Variants in ACACA observed in about 807,000 individuals in gnomAD.
The protein encoded by ACACA is acetyl-CoA carboxylase 1.
Under a neutral mutation model 296.1 loss-of-function variants are expected in ACACA, and 103 were observed. The ratio of observed to expected loss-of-function variants is 0.35; its 90% CI spans 0.30 to 0.41. The LOEUF is 0.41. ACACA is among the 10% of genes least tolerant of loss of function. ACACA has a pLI of 1.00. For synonymous variants in ACACA, 953 were observed against 1,038.6 expected (o/e 0.92, Z 1.58); for missense variants, 1,554 against 2,989.7 (o/e 0.52, Z 11.20).
intron 1 of ACACA, among the ~76,000 whole-genome samples, chr17:37,345,673 C>T (rs2048583916): frequency 6.6e-6 from 1 of 152,092 alleles, no homozygotes; most frequent in East Asian, 1.9e-4. Flanking sequence ...GCAACTTCAC[C>T]TCTGCGGTAT....
intron 1 of ACACA, among the ~76,000 whole-genome samples, chr17:37,341,622 G>A (rs1011335835): frequency 7.9e-5 from 12 of 151,416 alleles, no homozygotes; most frequent in African/African-American, 2.9e-4. Flanking sequence ...CCCGAGAGGT[G>A]GAGGTTGCAG....
At chr17:37,372,501 C>T (rs954032697) in intron 1 of ACACA, among the ~76,000 whole-genome samples, 1 of 151,720 alleles carries the variant, frequency 6.6e-6, no homozygotes, top group Non-Finnish European at 1.5e-5. Flanking sequence ...TGTCTAACCA[C>T]CTCATTACAG....
chr17:37,276,271 C>T (rs1332134309), intron 7 of ACACA, among the ~76,000 whole-genome samples: 1 of 151,966 alleles, frequency 6.6e-6, no homozygotes, highest in Non-Finnish European at 1.5e-5. Flanking sequence ...AGTGAGAGCT[C>T]AATATATATA....
intron 52 of ACACA, among the ~76,000 whole-genome samples, chr17:37,103,466 G>A (rs1161330334): frequency 6.6e-6 from 1 of 152,170 alleles, no homozygotes; most frequent in Non-Finnish European, 1.5e-5. Context: ...AGATTGCAGG[G>A]CCTCAGGGAT....
At chr17:37,217,028 C>T (rs968560072) in intron 29 of ACACA, among the ~76,000 whole-genome samples, 3 of 151,430 alleles carry the variant, frequency 2.0e-5, no homozygotes, top group Non-Finnish European at 2.9e-5. Context: ...TTTGGGAGGC[C>T]GAGGCAGGTA....
intron 23 of ACACA, 44 bp downstream of exon 23, chr17:37,241,909 A>T (rs776010570): frequency 6.7e-7 from 1 of 1,496,588 alleles, no homozygotes; most frequent in African/African-American, 1.4e-5. Context: ...AAAGGAAGAC[A>T]TGAGTATGGA....
In ACACA at chr17:37,259,491, C is replaced by T; in HGVS notation, c.1369G>A (p.Ala457Thr). The change falls in exon 12 of 56, where the codon GCT becomes ACT. Residue 457 changes from alanine (A) to threonine (T), a missense_variant. Coordinates refer to ENST00000616317, the MANE Select transcript of ACACA (RefSeq NM_198834.3). ...KLAKMVGYVS[A>T]GTVEYLYSQD... The stretch of plus-strand genomic sequence containing the variant: ...CTGTACAGGTATTCCACAGTCCCAG[C>T]ACTCACATAACCCACCATTTTGGCA... 1 of 1,614,160 alleles carries T rather than the reference C, an allele frequency of 6.2e-7. No individual in the cohort carries two copies. Among genetic ancestry groups the T allele is most frequent in the Non-Finnish European group, 8.5e-7 (1 of 1,180,016 alleles).
chr17:37,299,365 T>A, intron 3 of ACACA: 1 of 1,614,002 alleles, frequency 6.2e-7, no homozygotes, highest in South Asian at 1.1e-5. Flanking sequence ...AGCTTTTTCT[T>A]CAGATTTCGG....
chr17:37,143,291 T>C (rs2075674675), intron 45 of ACACA, among the ~76,000 whole-genome samples: 1 of 152,050 alleles, frequency 6.6e-6, no homozygotes, highest in South Asian at 2.1e-4. Context: ...AACTTTTTTT[T>C]TTTTTTTGCA....
At chr17:37,201,166 T>G (rs2078229558) in intron 33 of ACACA, among the ~76,000 whole-genome samples, 1 of 151,798 alleles carries the variant, frequency 6.6e-6, no homozygotes, top group African/African-American at 2.4e-5. Flanking sequence ...AGGCTGGGAG[T>G]GGTGGCTCAC....
chr17:37,333,648 G>A (rs558341024), intron 2 of ACACA, among the ~76,000 whole-genome samples: 1 of 151,774 alleles, frequency 6.6e-6, no homozygotes, highest in South Asian at 2.1e-4. Context: ...GGTATTGATA[G>A]CACCCATCAG....
At chr17:37,126,502 T>TA (rs111806386) in intron 47 of ACACA, among the ~76,000 whole-genome samples, 4,933 of 149,608 alleles carry the variant, frequency 0.033, 215 homozygotes, top group African/African-American at 0.1. Flanking sequence ...CATGTTAGTT[T>TA]AAAAAAAAAA....
At chr17:37,370,288 G>A (rs1386915599) in intron 1 of ACACA, among the ~76,000 whole-genome samples, 2 of 151,882 alleles carry the variant, frequency 1.3e-5, no homozygotes, top group African/African-American at 2.4e-5. Flanking sequence ...ATACAGGTGT[G>A]AGCCACAGTG....
At chr17:37,367,991 C>T (rs1486658149) in intron 1 of ACACA, among the ~76,000 whole-genome samples, 1 of 152,114 alleles carries the variant, frequency 6.6e-6, no homozygotes, top group East Asian at 1.9e-4. Flanking sequence ...TGCTTGAACC[C>T]GGGAGGCGGA....
chr17:37,089,696 C>T (rs913490525), intron 54 of ACACA, among the ~76,000 whole-genome samples: 6 of 152,162 alleles, frequency 3.9e-5, no homozygotes, highest in African/African-American at 1.4e-4. Flanking sequence ...TGAGAGTATT[C>T]GAAAGGATCA....
Position 37,390,330 on chromosome 17 carries a change from A to ATTATATATATATATATATATATC in ACACA, c.38+15931_38+15932insGATATATATATATATATATATAA, listed in dbSNP as rs1555672372. 1.6e-3 allele frequency among the ~76,000 whole-genome samples: 66 copies of ATTATATATATATATATATATATC among 41,574 alleles called. 8 individuals are homozygous for ATTATATATATATATATATATATC. Among genetic ancestry groups the ATTATATATATATATATATATATC allele is most frequent in the African/African-American group, 8.3e-3 (65 of 7,834 alleles). 27.3% of individuals were successfully genotyped at this position (41,574 alleles called of 152,430 possible). On this transcript the variant is annotated intron_variant, in intron 1 of 55. Transcript: ENST00000616317. ...TATATATATATATATATATATATAT[A>ATTATATATATATATATATATATC]TATAAAAGGCCAGCTGGGCCGGGCA...
intron 18 of ACACA, chr17:37,247,776 T>TA: frequency 1.7e-6 from 1 of 588,052 alleles, no homozygotes; most frequent in South Asian, 2.1e-5. Context: ...TGGTTACTTA[T>TA]AAAAAGGGGA....
chr17:37,242,904 G>A (rs940926708), intron 22 of ACACA, among the ~76,000 whole-genome samples: 10 of 152,020 alleles, frequency 6.6e-5, no homozygotes, highest in Admixed American at 1.3e-4. Context: ...GCATGGCAGC[G>A]TGTGAATGTA....
intron 35 of ACACA, among the ~76,000 whole-genome samples, chr17:37,195,185 C>A (rs866269844): frequency 7.9e-5 from 12 of 152,120 alleles, no homozygotes; most frequent in African/African-American, 2.9e-4. Flanking sequence ...TGATATTTTA[C>A]GCACACACTT....
Sources: allele counts gnomAD v4.1 joint callset (sites outside exome capture counted in the v4.1 genomes callset), GRCh38; gene constraint gnomAD v4.1.1; transcripts MANE v1.5; gene names NCBI Gene and HGNC (gene_info 2026-07-23, HGNC 2026-07-21).